Variants in GNAI2 observed in about 807,000 individuals in gnomAD.
The protein encoded by GNAI2 is G protein subunit alpha i2, also known as guanine nucleotide-binding protein G(i) subunit alpha-2.
GNAI2 carries 4 observed loss-of-function variants against 36.8 expected under a neutral mutation model. The observed-to-expected ratio is 0.11, with a 90% confidence interval of 0.05 to 0.25. The LOEUF (loss-of-function observed/expected upper bound fraction) is 0.25, where lower values mean the gene tolerates loss of function less well. Among genes scored for constraint, GNAI2 ranks in the 10% least tolerant of loss-of-function variants. GNAI2 has a pLI of 1.00. For missense variants in GNAI2, 230 were observed against 481.3 expected, an observed-to-expected ratio of 0.48 and a Z score of 4.89; for synonymous variants, 194 against 194.1, an observed-to-expected ratio of 1.00 and a Z score of 0.01.
upstream of GNAI2, chr3:50,227,155 C>A (rs999104990): frequency 5.8e-5 from 84 of 1,443,020 alleles, no homozygotes; most frequent in Non-Finnish European, 6.3e-5. This position sits in a 1 kb window ranked among gnomAD's most constrained non-coding sequence, Gnocchi z 5.9. Flanking sequence ...CTAGGCTGGA[C>A]GAAGCAGAAA....
At chr3:50,231,052 C>A in intron 1 of GNAI2, 1 of 593,450 alleles carries the variant, frequency 1.7e-6, no homozygotes, top group Non-Finnish European at 2.1e-6. Context: ...TCCCCAGACC[C>A]CTGCCTCTCA....
At chr3:50,247,598 T>A (rs1700453277) in intron 1 of GNAI2, among the ~76,000 whole-genome samples, 1 of 152,178 alleles carries the variant, frequency 6.6e-6, no homozygotes, top group Non-Finnish European at 1.5e-5. Flanking sequence ...TGGTACTGTC[T>A]CCCTTCTCTC....
chr3:50,255,977 C>CAG lies in GNAI2; in HGVS notation c.465-212_465-211dup, dbSNP rs1553703089. Among the ~76,000 whole-genome samples the CAG allele has an allele frequency of 7.3e-6, 1 of 136,404 alleles. No individual in the cohort carries two copies. Among genetic ancestry groups the CAG allele is most frequent in the Non-Finnish European group, 1.5e-5 (1 of 66,340 alleles). 89.5% of individuals were successfully genotyped at this position (136,404 alleles called of 152,430 possible). On this transcript the variant is annotated intron_variant, in intron 4 of 8. Transcript: ENST00000313601. The surrounding 1 kb of genome is among the most constrained non-coding windows in gnomAD (Gnocchi z 4.0). ...AGGAGAATCGCTTGAACCTGGCAGG[C>CAG]AGAGGTTGCAGTGAGCCAAGATCAT...
At position 50,252,533 on chromosome 3, in the gene GNAI2, A is replaced by G. The variant is rs1553702652; in HGVS notation, c.298A>G (p.Arg100Gly). 2 of 1,612,884 alleles carry G rather than the reference A, an allele frequency of 1.2e-6. No individual in the cohort carries two copies. Among genetic ancestry groups the G allele is most frequent in the Non-Finnish European group, 8.5e-7 (1 of 1,179,450 alleles). ...NLQIDFADPS[R>G]ADDARQLFAL... The stretch of plus-strand genomic sequence containing the variant: ...GCAGATCGACTTTGCCGACCCCTCC[A>G]GAGCGGTATGTGCCCTCCGCCCCAC... Residue 100 changes from arginine (R) to glycine (G), a missense_variant, in exon 3 of 9, where the codon AGA (arginine) becomes GGA (glycine). Arg to Gly is a moderately radical substitution (Grantham distance 125). Around this residue, in one of 4 missense-constraint regions of GNAI2, gnomAD observed 132 missense variants for 247.4 expected, o/e 0.53. Transcript: ENST00000313601. This position sits in a 1 kb window ranked among gnomAD's most constrained non-coding sequence, Gnocchi z 4.1.
chr3:50,231,667 G>A (rs1304694882), upstream of GNAI2, among the ~76,000 whole-genome samples: 5 of 152,212 alleles, frequency 3.3e-5, no homozygotes, highest in African/African-American at 9.7e-5. Flanking sequence ...CCAGAATAGT[G>A]GGATCTGGCT....
rs1202183030 is a variant in GNAI2, at chr3:50,258,603, G to A, written c.*260G>A. 1 of 237,516 alleles carries A rather than the reference G, an allele frequency of 4.2e-6. No individual in the cohort carries two copies. Among genetic ancestry groups the A allele is most frequent in the African/African-American group, 2.3e-5 (1 of 43,480 alleles). 14.7% of individuals were successfully genotyped at this position (237,516 alleles called of 1,614,324 possible). On this transcript the variant is annotated 3_prime_UTR_variant, in exon 9 of 9. Coordinates refer to ENST00000313601, the MANE Select transcript of GNAI2 (RefSeq NM_002070.4). ...TACCCCCTTCTGGGCATCTGTTCTG[G>A]TTTTTAACCATTGTCTTGTTCTGTG...
At chr3:50,251,678 A>C (rs1700560770) in intron 1 of GNAI2, 1 of 1,344,660 alleles carries the variant, frequency 7.4e-7, no homozygotes, top group Non-Finnish European at 9.8e-7. Context: ...TGTTGGATGG[A>C]GTATGCAGGG....
In GNAI2 at chr3:50,255,440, A is replaced by G. The variant is rs1700668109; in HGVS notation, c.465-752A>G. 6.6e-6 allele frequency among the ~76,000 whole-genome samples: 1 copy of G among 152,162 alleles called. No individual in the cohort carries two copies. The highest frequency in any genetic ancestry group is 2.1e-4 in the South Asian group (1 of 4,828). ...AGCCCACTGGACCTGGCAGGCCCCA[A>G]CCTGTCCAGCACCACATCGAGGGAC... On this transcript the variant is annotated intron_variant, in intron 4 of 8. Coordinates refer to ENST00000313601, the MANE Select transcript of GNAI2 (RefSeq NM_002070.4). This position sits in a 1 kb window ranked among gnomAD's most constrained non-coding sequence, Gnocchi z 4.0.
chr3:50,239,916 A>G (rs1700262699), intron 1 of GNAI2: 1 of 152,274 alleles, frequency 6.6e-6, no homozygotes, highest in Non-Finnish European at 1.5e-5. Context: ...AGACCAGAGC[A>G]ATGCTGTGAG....
Position 50,238,600 on chromosome 3 carries a change from G to A in GNAI2, c.118+2147G>A, listed in dbSNP as rs782438917. On this transcript the variant is annotated intron_variant, in intron 1 of 8. Coordinates refer to ENST00000313601, the MANE Select transcript of GNAI2 (RefSeq NM_002070.4). This position sits in a 1 kb window ranked among gnomAD's most constrained non-coding sequence, Gnocchi z 5.0. ...GAGTGCCCCAGGTCAGGATGGGGAGGGAGAACAAGAGCCTCCTGGTGGTTC... is the reference window on the plus strand; with the variant it reads ...GAGTGCCCCAGGTCAGGATGGGGAGAGAGAACAAGAGCCTCCTGGTGGTTC... Among the ~76,000 whole-genome samples, 26 of 152,224 alleles carry A rather than the reference G, an allele frequency of 1.7e-4. No individual in the cohort carries two copies. Among genetic ancestry groups the A allele is most frequent in the Non-Finnish European group, 3.5e-4 (24 of 68,028 alleles).
chr3:50,257,392 G>A, intron 7 of GNAI2, 108 bp from the exon 8 acceptor site: 1 of 712,762 alleles, frequency 1.4e-6, no homozygotes, highest in Non-Finnish European at 2.4e-6. Context: ...GCACATGCAT[G>A]CACAGGTTGT....
At chr3:50,249,251 G>A (rs1009818669) in intron 1 of GNAI2, among the ~76,000 whole-genome samples, 2 of 152,186 alleles carry the variant, frequency 1.3e-5, no homozygotes, top group Non-Finnish European at 2.9e-5. Context: ...GGCTGTGACT[G>A]GCTCCTGGTT....
chr3:50,258,911 C>A lies in GNAI2; in HGVS notation c.*568C>A, dbSNP rs782384531. The A allele has an allele frequency of 5.7e-5, 25 of 436,364 alleles. No individual in the cohort carries two copies. The highest frequency in any genetic ancestry group is 3.3e-4 in the South Asian group (20 of 59,872). The allele number at this position is 436,364 out of a possible 1,614,324, so 27.0% of individuals were successfully genotyped here. On this transcript the variant is annotated 3_prime_UTR_variant, in exon 9 of 9. Transcript: ENST00000313601. ...ATGAAAGTAAAGGAAAAAAAAAAAA[C>A]TGCAAATCTAGAAAACTTTTTAGAG...
At position 50,259,182 on chromosome 3, in the gene GNAI2, G is replaced by A. The variant is rs1553703756; in HGVS notation, c.*839G>A. ...GCCCCAGGCTCTATTAACCTAAAAT[G>A]TAGCTCCCTAGCGCTAACCTAGGAA... is the stretch of plus-strand genomic sequence containing the variant. On this transcript the variant is annotated 3_prime_UTR_variant, in exon 9 of 9. Transcript: ENST00000313601. 4 of 309,766 alleles carry A rather than the reference G, an allele frequency of 1.3e-5. No individual in the cohort carries two copies. The highest frequency in any genetic ancestry group is 6.3e-6 in the Non-Finnish European group (1 of 158,876). 19.2% of individuals were successfully genotyped at this position (309,766 alleles called of 1,614,324 possible).
Position 50,255,473 on chromosome 3 carries a change from G to C in GNAI2, c.465-719G>C, listed in dbSNP as rs1344580669. On this transcript the variant is annotated intron_variant, in intron 4 of 8. Transcript: ENST00000313601. The surrounding 1 kb of genome is among the most constrained non-coding windows in gnomAD (Gnocchi z 4.0). ...AGCACCACATCGAGGGACCGCACCCGGCTGCTCTGCGGCTAATGCCGTAAT... is the reference window on the plus strand; with the variant it reads ...AGCACCACATCGAGGGACCGCACCCCGCTGCTCTGCGGCTAATGCCGTAAT... Among the ~76,000 whole-genome samples the C allele has an allele frequency of 6.6e-6, 1 of 152,202 alleles. No homozygotes were observed. The highest frequency in any genetic ancestry group is 1.5e-5 in the Non-Finnish European group (1 of 68,034).
chr3:50,256,184 A>AACC lies in GNAI2; in HGVS notation c.465-8_465-7insACC. 1 of 345,162 alleles carries AACC rather than the reference A, an allele frequency of 2.9e-6. No individual in the cohort carries two copies. The highest frequency in any genetic ancestry group is 5.0e-6 in the Non-Finnish European group (1 of 199,494). The allele number at this position is 345,162 out of a possible 1,614,324, so 21.4% of individuals were successfully genotyped here. On this transcript the variant is annotated splice_region_variant and splice_polypyrimidine_tract_variant and intron_variant, in intron 4 of 8. Coordinates refer to ENST00000313601, the MANE Select transcript of GNAI2 (RefSeq NM_002070.4). ...GCCCCCACTGACCCTCCCACCCCCC[A>AACC]TCCCCAGCTACCTGAACGACCTGGA...
chr3:50,229,772 C>G (rs888415735), upstream of GNAI2: 5 of 152,404 alleles, frequency 3.3e-5, no homozygotes, highest in African/African-American at 1.2e-4. Context: ...GCACATACCT[C>G]CCAGTGGCTC....
chr3:50,244,131 C>T (rs1304233237), intron 1 of GNAI2, among the ~76,000 whole-genome samples: 2 of 150,278 alleles, frequency 1.3e-5, no homozygotes, highest in African/African-American at 2.5e-5. Flanking sequence ...TGGGTTCAAG[C>T]GATTCTCCTG....
chr3:50,253,125 T>C lies in GNAI2; in HGVS notation c.405T>C (p.His135=), dbSNP rs782095749. 47 of 1,613,470 alleles carry C rather than the reference T, an allele frequency of 2.9e-5. No homozygotes were observed. The Admixed American group carries it at 7.5e-4, about 26-fold the overall frequency. Residue 135 remains histidine, a synonymous_variant, in exon 4 of 9, where the codon CAT becomes CAC. Coordinates refer to ENST00000313601, the MANE Select transcript of GNAI2 (RefSeq NM_002070.4). This position sits in a 1 kb window ranked among gnomAD's most constrained non-coding sequence, Gnocchi z 4.2. The part of the protein sequence containing the change: ...SGVIRRLWAD[H]GVQACFGRSR... ...TCATCCGGAGGCTCTGGGCTGACCA[T>C]GGTGTGCAGGCCTGCTTTGGCCGCT...
Sources: allele counts gnomAD v4.1 joint callset (sites outside exome capture counted in the v4.1 genomes callset), GRCh38; gene constraint gnomAD v4.1.1; regional missense constraint gnomAD v4.1.1; non-coding constraint Gnocchi (gnomAD v3.1); transcripts MANE v1.5; gene names NCBI Gene and HGNC (gene_info 2026-07-23, HGNC 2026-07-21).